Variants in IREB2 observed in about 807,000 individuals in gnomAD.
IREB2 encodes iron-responsive element-binding protein 2.
IREB2 carries 39 observed loss-of-function variants against 118.8 expected under a neutral mutation model. That is an observed-to-expected ratio of 0.33 (90% confidence interval 0.25 to 0.43). The LOEUF is 0.43. Among genes scored for constraint, IREB2 ranks in the 20% least tolerant of loss-of-function variants. The pLI is 1.00. For missense variants in IREB2, 900 were observed against 1,147.3 expected (o/e 0.78, Z 3.11); for synonymous variants, 372 against 392.2 (o/e 0.95, Z 0.61).
At chr15:78,472,914 T>A (rs893526968) in intron 7 of IREB2, among the ~76,000 whole-genome samples, 4 of 152,240 alleles carry the variant, frequency 2.6e-5, no homozygotes, top group Non-Finnish European at 4.4e-5. Flanking sequence ...TTGTTGAGGT[T>A]GGCAGGGACT....
intron 20 of IREB2, among the ~76,000 whole-genome samples, chr15:78,495,436 TG>T (rs997241408): frequency 1.3e-5 from 2 of 152,176 alleles, no homozygotes; most frequent in African/African-American, 2.4e-5. Flanking sequence ...AAGCCATGGA[TG>T]GGGGCTGGGT....
chr15:78,476,382 G>A, intron 9 of IREB2, 23 bp downstream of exon 9: 1 of 1,454,520 alleles, frequency 6.9e-7, no homozygotes, highest in Non-Finnish European at 9.4e-7. Context: ...AAGATCACTA[G>A]AATAAACATG....
At position 78,484,753 on chromosome 15, in the gene IREB2, T is replaced by C. The variant is rs1174085182; in HGVS notation, c.1414-8T>C. On this transcript the variant is annotated splice_polypyrimidine_tract_variant and splice_region_variant and intron_variant, in intron 11 of 21. Coordinates refer to ENST00000258886, the MANE Select transcript of IREB2 (RefSeq NM_004136.4). ...ATTTAGTTTATATTTTTGTGGAAAT[T>C]TGTATAGGTTGGATTTAAAGGCTTC... is the stretch of plus-strand genomic sequence containing the variant. 1 of 1,607,098 alleles carries C rather than the reference T, an allele frequency of 6.2e-7. No individual in the cohort carries two copies. Among genetic ancestry groups the C allele is most frequent in the African/African-American group, 1.3e-5 (1 of 74,732 alleles).
At chr15:78,449,370 G>A (rs1595986147) in intron 2 of IREB2, among the ~76,000 whole-genome samples, 1 of 152,144 alleles carries the variant, frequency 6.6e-6, no homozygotes, top group African/African-American at 2.4e-5. Flanking sequence ...ACCTATGCTT[G>A]TAAAAACCTG....
chr15:78,465,732 G>A (rs2051271275), intron 4 of IREB2, among the ~76,000 whole-genome samples: 1 of 151,946 alleles, frequency 6.6e-6, no homozygotes, highest in Non-Finnish European at 1.5e-5. Context: ...TTAATTATTT[G>A]GTGATTAAAA....
At chr15:78,483,105 T>C (rs988180637) in intron 10 of IREB2, among the ~76,000 whole-genome samples, 5 of 152,228 alleles carry the variant, frequency 3.3e-5, no homozygotes, top group Non-Finnish European at 7.3e-5. Context: ...CTACTAGTCT[T>C]GATTTTAGCA....
At chr15:78,440,024 C>A in intron 2 of IREB2, 143 bp downstream of exon 2, 1 of 567,024 alleles carries the variant, frequency 1.8e-6, no homozygotes. Context: ...ATTTTAAAAA[C>A]TCCTCCTGGG....
At chr15:78,451,979 A>G (rs1377111770) in intron 2 of IREB2, among the ~76,000 whole-genome samples, 1 of 152,074 alleles carries the variant, frequency 6.6e-6, no homozygotes, top group Non-Finnish European at 1.5e-5. Context: ...GGATTTTTGG[A>G]TTAGGGATAC....
At chr15:78,483,539 A>G in intron 11 of IREB2, 105 bp downstream of exon 11, 1 of 668,654 alleles carries the variant, frequency 1.5e-6, no homozygotes, top group Non-Finnish European at 2.7e-6. Context: ...TGTTTTATAT[A>G]TTATGGCACA....
chr15:78,454,897 G>A (rs373748113), intron 2 of IREB2, among the ~76,000 whole-genome samples: 6 of 152,152 alleles, frequency 3.9e-5, no homozygotes, highest in African/African-American at 4.8e-5. Flanking sequence ...TTGTTATGTT[G>A]CCCAGGTTGT....
intron 2 of IREB2, among the ~76,000 whole-genome samples, chr15:78,451,999 A>G (rs1452618242): frequency 1.3e-5 from 2 of 152,214 alleles, no homozygotes; most frequent in Admixed American, 6.5e-5. Context: ...CTCAACCTGT[A>G]GTACAATTTG....
Position 78,485,786 on chromosome 15 carries a change from T to C in IREB2, c.1655T>C (p.Met552Thr). ...ACAAGTTTATCTCCAGGCAGTGGGA[T>C]GGTTACACATTACCTCAGTTCAAGT... ...IRTSLSPGSG[M>T]VTHYLSSSGV... Residue 552 changes from methionine to threonine, a missense_variant, in exon 13 of 22, where the codon ATG becomes ACG. Met to Thr is a moderately conservative substitution (Grantham distance 81, BLOSUM62 -1). Coordinates refer to ENST00000258886, the MANE Select transcript of IREB2 (RefSeq NM_004136.4). 1.2e-6 allele frequency: 2 copies of C among 1,613,984 alleles called. No individual in the cohort carries two copies. Among genetic ancestry groups the C allele is most frequent in the Admixed American group, 3.3e-5 (2 of 60,032 alleles).
intron 12 of IREB2, 105 bp from the exon 13 acceptor site, chr15:78,485,600 A>T (rs1459576017): frequency 8.6e-7 from 1 of 1,159,268 alleles, no homozygotes; most frequent in Non-Finnish European, 1.2e-6. Flanking sequence ...TTATGAATTC[A>T]TACTTTAATC....
At chr15:78,469,795 A>G (rs1334587701) in intron 5 of IREB2, among the ~76,000 whole-genome samples, 2 of 152,210 alleles carry the variant, frequency 1.3e-5, no homozygotes, top group African/African-American at 2.4e-5. Context: ...GAGGACACGT[A>G]TAATTTAAGT....
intron 16 of IREB2, 65 bp downstream of exon 16, chr15:78,488,836 C>G (rs2051704213): frequency 2.2e-6 from 2 of 901,696 alleles, no homozygotes; most frequent in South Asian, 4.1e-5. Flanking sequence ...TTTCATATAT[C>G]TTCTGAATAG....
chr15:78,473,478 A>T (rs1315976285), intron 8 of IREB2, 97 bp downstream of exon 8: 1 of 908,986 alleles, frequency 1.1e-6, no homozygotes, highest in Admixed American at 2.4e-5. Context: ...TCATTACTGC[A>T]TCCTCAGGTC....
At chr15:78,438,498 C>A in intron 1 of IREB2, 142 bp downstream of exon 1, 1 of 902,124 alleles carries the variant, frequency 1.1e-6, no homozygotes, top group Admixed American at 2.2e-5. Context: ...TCGGGGCCTG[C>A]CTGCTGGGCC....
intron 2 of IREB2, among the ~76,000 whole-genome samples, chr15:78,451,006 C>G (rs1241600918): frequency 1.3e-5 from 2 of 151,972 alleles, no homozygotes; most frequent in African/African-American, 2.4e-5. Flanking sequence ...GCTCTGTTGC[C>G]CAGGCTGGAG....
Position 78,499,270 on chromosome 15 carries a change from T to A in IREB2, c.*1127T>A, listed in dbSNP as rs1462167937. 1 of 152,228 alleles carries A rather than the reference T, an allele frequency of 6.6e-6. No individual in the cohort carries two copies. The highest frequency in any genetic ancestry group is 1.9e-4 in the East Asian group (1 of 5,202). The allele number at this position is 152,228 out of a possible 1,614,324, so 9.4% of individuals were successfully genotyped here. On this transcript the variant is annotated 3_prime_UTR_variant, in exon 22 of 22. Coordinates refer to ENST00000258886, the MANE Select transcript of IREB2 (RefSeq NM_004136.4). ...GTTGCTGAGTACTATATATCCTCAA[T>A]ATGCATGTCTGCCCATCACATCAAA...
Sources: gnomAD v4.1 joint callset for allele counts (sites outside exome capture counted in the v4.1 genomes callset) on GRCh38, gnomAD v4.1.1 for gene constraint, MANE v1.5 for transcripts, NCBI Gene and HGNC (gene_info 2026-07-23, HGNC 2026-07-21) for gene names.